The following SFMBT1 variants were observed in gnomAD, a reference collection of about 807,000 sequenced individuals.
The protein encoded by SFMBT1 is Scm like with four mbt domains 1, also known as scm-like with four MBT domains protein 1.
SFMBT1 carries 32 observed loss-of-function variants against 108.7 expected under a neutral mutation model. That is an observed-to-expected ratio of 0.29 (90% CI 0.22 to 0.40). SFMBT1 has a LOEUF of 0.40. SFMBT1 is among the 10% of genes least tolerant of loss of function. SFMBT1 has a pLI of 1.00. For synonymous variants in SFMBT1, 348 were observed against 369.5 expected (o/e 0.94, Z 0.67); for missense variants, 816 against 1,059.6 (o/e 0.77, Z 3.19).
At chr3:52,907,998 C>G (rs934667807) in intron 17 of SFMBT1, among the ~76,000 whole-genome samples, 1 of 151,858 alleles carries the variant, frequency 6.6e-6, no homozygotes, top group Non-Finnish European at 1.5e-5. Flanking sequence ...GAAGCAGCCA[C>G]TATTCTAAAC....
chr3:52,973,808 TG>T (rs1704426702), intron 1 of SFMBT1, among the ~76,000 whole-genome samples: 1 of 152,172 alleles, frequency 6.6e-6, no homozygotes. Context: ...TTTTGTATTG[TG>T]GTAGAGACCA....
In SFMBT1 at chr3:53,000,083, T is replaced by C. The variant is rs549165090; in HGVS notation, c.-130-30825A>G. On this transcript the variant is annotated intron_variant, in intron 1 of 20. Coordinates refer to ENST00000394752, the MANE Select transcript of SFMBT1 (RefSeq NM_016329.4). ...TTCACCGTGTTAGCCAGGATGGTCT[T>C]GATTTCCTGACCTCGTGATCCGCCC... Among the ~76,000 whole-genome samples, 380 of 149,956 alleles carry C rather than the reference T, an allele frequency of 2.5e-3. 13 individuals are homozygous for C. The highest frequency in any genetic ancestry group is 8.1e-3 in the African/African-American group (335 of 41,356).
At chr3:52,979,089 T>C (rs1014093462) in intron 1 of SFMBT1, among the ~76,000 whole-genome samples, 7 of 152,196 alleles carry the variant, frequency 4.6e-5, no homozygotes, top group African/African-American at 1.7e-4. Flanking sequence ...AAGTGAGTTT[T>C]ATGGTCTGTG....
At position 52,930,516 on chromosome 3, in the gene SFMBT1, C is replaced by T. The variant is rs951247773; in HGVS notation, c.796-86G>A. The T allele has an allele frequency of 5.0e-6, 4 of 792,346 alleles. No individual in the cohort carries two copies. The African/African-American group carries it at 5.2e-5, about 10-fold the overall frequency. The allele number at this position is 792,346 out of a possible 1,614,324, so 49.1% of individuals were successfully genotyped here. A position where few individuals can be genotyped will look rare whatever the true frequency, so the allele number is the denominator to read the frequency against. On this transcript the variant is annotated intron_variant, in intron 7 of 20. Coordinates refer to ENST00000394752, the MANE Select transcript of SFMBT1 (RefSeq NM_016329.4). ...ATGTAGCTGTGATTAACAGAAATGT[C>T]CAGCTCTGGTAAATCCTATAGTTTT...
chr3:52,906,018 AT>A, intron 20 of SFMBT1, 94 bp downstream of exon 20: 1 of 1,412,988 alleles, frequency 7.1e-7, no homozygotes, highest in East Asian at 2.4e-5. Flanking sequence ...GGATCAAAAC[AT>A]TTTTCCTAAA....
chr3:52,927,062 T>C (rs1190978454), intron 9 of SFMBT1, among the ~76,000 whole-genome samples: 1 of 152,196 alleles, frequency 6.6e-6, no homozygotes, highest in Non-Finnish European at 1.5e-5. Flanking sequence ...TTTTAACAAC[T>C]GTTCCTTCTT....
rs568913507 is a variant in SFMBT1 at position 53,008,694 on chromosome 3, G to C, written c.-131+37122C>G. ...CACCCAGGCTGGAGTGCAGTGGCGC[G>C]ATCTAAGCTCACTGCAAGCTCCGCC... is the stretch of plus-strand genomic sequence containing the variant. On this transcript the variant is annotated intron_variant, in intron 1 of 20. Coordinates refer to ENST00000394752, the MANE Select transcript of SFMBT1 (RefSeq NM_016329.4). Among the ~76,000 whole-genome samples the C allele has an allele frequency of 2.6e-4, 39 of 150,834 alleles. 1 individual carries two copies. Among genetic ancestry groups the C allele is most frequent in the South Asian group, 1.3e-3 (6 of 4,754 alleles).
chr3:52,904,123 C>T lies in SFMBT1; in HGVS notation c.*1013G>A, dbSNP rs932640237. 1 of 152,154 alleles carries T rather than the reference C, an allele frequency of 6.6e-6. No individual in the cohort carries two copies. The highest frequency in any genetic ancestry group is 2.1e-4 in the South Asian group (1 of 4,826). 9.4% of individuals were successfully genotyped at this position (152,154 alleles called of 1,614,324 possible). A position where few individuals can be genotyped will look rare whatever the true frequency, so the allele number is the denominator to read the frequency against. On this transcript the variant is annotated 3_prime_UTR_variant, in exon 21 of 21. Transcript: ENST00000394752. Reference sequence around the variant, plus strand: ...CCTGGAAAGAAGGACAAATGGGCTTCGCTGTGGGTCCATGGAACACTTACT... The same window carrying T: ...CCTGGAAAGAAGGACAAATGGGCTTTGCTGTGGGTCCATGGAACACTTACT...
chr3:52,941,274 A>G (rs189160654), intron 4 of SFMBT1, among the ~76,000 whole-genome samples: 2 of 152,320 alleles, frequency 1.3e-5, no homozygotes, highest in East Asian at 3.9e-4. Context: ...AATGTAACAC[A>G]TGATCTGGGA....
rs779584062 is a variant in SFMBT1 at position 52,911,118 on chromosome 3, A to G, written c.1791T>C (p.Thr597=). ...TGATACAGGTTTGCCGGCAGAATTC[A>G]GTCACCCGATCTGCTGTTTTCACTA... The part of the protein sequence containing the change: ...VEIVKTADRV[T]EFCRQTCIKL... The change falls in exon 17 of 21, where the codon ACT becomes ACC. Residue 597 remains threonine (T), a synonymous_variant. Coordinates refer to ENST00000394752, the MANE Select transcript of SFMBT1 (RefSeq NM_016329.4). 1.2e-6 allele frequency: 2 copies of G among 1,614,126 alleles called. No homozygotes were observed. The highest frequency in any genetic ancestry group is 3.3e-5 in the Admixed American group (2 of 60,000).
rs146445248 is a variant in SFMBT1 at position 53,002,068 on chromosome 3, G to T, written c.-130-32810C>A. ...TTCAAATATGTGTACTACATATTGTGCCATTTCTGAATTATAACAAAAGCA... is the reference window on the plus strand; with the variant it reads ...TTCAAATATGTGTACTACATATTGTTCCATTTCTGAATTATAACAAAAGCA... On this transcript the variant is annotated intron_variant, in intron 1 of 20. Coordinates refer to ENST00000394752, the MANE Select transcript of SFMBT1 (RefSeq NM_016329.4). Among the ~76,000 whole-genome samples the T allele has an allele frequency of 1.9e-3, 278 of 149,856 alleles. 23 individuals are homozygous for T. The highest frequency in any genetic ancestry group is 3.0e-3 in the Admixed American group (45 of 14,814).
chr3:52,927,371 C>T (rs1559513304), intron 9 of SFMBT1, among the ~76,000 whole-genome samples: 1 of 152,180 alleles, frequency 6.6e-6, no homozygotes, highest in Non-Finnish European at 1.5e-5. Flanking sequence ...GAATGGAAGA[C>T]AAAGGTTCTG....
intron 12 of SFMBT1, 58 bp from the exon 13 acceptor site, chr3:52,918,584 CAT>C: frequency 1.7e-6 from 2 of 1,160,658 alleles, no homozygotes; most frequent in Non-Finnish European, 2.4e-6. Flanking sequence ...AAGGAAAATT[CAT>C]ATGTGTATTA....
At chr3:53,000,501 C>T (rs950400884) in intron 1 of SFMBT1, among the ~76,000 whole-genome samples, 3 of 149,742 alleles carry the variant, frequency 2.0e-5, no homozygotes, top group Non-Finnish European at 4.5e-5. Flanking sequence ...ATTAAGAGTA[C>T]TGAGTTATAA....
In SFMBT1 at chr3:53,001,921, T is replaced by TCACA. The variant is rs1491194888; in HGVS notation, c.-130-32664_-130-32663insTGTG. 1.9e-4 allele frequency among the ~76,000 whole-genome samples: 12 copies of TCACA among 64,702 alleles called. 1 individual carries two copies. The highest frequency in any genetic ancestry group is 6.7e-4 in the African/African-American group (12 of 18,040). 42.4% of individuals were successfully genotyped at this position (64,702 alleles called of 152,430 possible). On this transcript the variant is annotated intron_variant, in intron 1 of 20. Transcript: ENST00000394752. The stretch of plus-strand genomic sequence containing the variant: ...GCCTGGGCAACAGAGCAAGACCCAG[T>TCACA]CTCTCACACACACACACACACACAC...
At chr3:52,939,357 A>T (rs2581802) in intron 4 of SFMBT1, among the ~76,000 whole-genome samples, 111,638 of 152,010 alleles carry the variant, frequency 0.73, 41,220 homozygotes, top group South Asian at 0.88. Context: ...GCAGATCACT[A>T]GAGGTCAGGA....
intron 14 of SFMBT1, 31 bp downstream of exon 14, chr3:52,916,119 T>G (rs1702344807): frequency 6.3e-7 from 1 of 1,588,524 alleles, no homozygotes; most frequent in Non-Finnish European, 8.6e-7. Context: ...AAACTAAGTC[T>G]TCTTTTCCTT....
chr3:52,934,393 G>A (rs1575384110), intron 5 of SFMBT1, among the ~76,000 whole-genome samples: 1 of 149,870 alleles, frequency 6.7e-6, no homozygotes, highest in South Asian at 2.1e-4. Context: ...AAAAGCAGGT[G>A]GAAGGCAGAA....
chr3:53,034,797 G>C (rs1699812733), intron 1 of SFMBT1, among the ~76,000 whole-genome samples: 1 of 151,900 alleles, frequency 6.6e-6, no homozygotes, highest in Admixed American at 6.6e-5. Context: ...AAATTAGCCA[G>C]GCGTGGTGGC....
Sources: allele counts gnomAD v4.1 joint callset (sites outside exome capture counted in the v4.1 genomes callset), GRCh38; gene constraint gnomAD v4.1.1; transcripts MANE v1.5; gene names NCBI Gene and HGNC (gene_info 2026-07-23, HGNC 2026-07-21).